SNAP23: variants seen among roughly 807,000 people sequenced by gnomAD.
SNAP23 encodes the protein synaptosome associated protein 23, also known as synaptosomal-associated protein 23.
In SNAP23, 11 loss-of-function variants were observed where a neutral mutation model predicts 29.0. That is an observed-to-expected ratio of 0.38 (90% CI 0.24 to 0.63). The LOEUF is 0.63. SNAP23 is among the 20% of genes least tolerant of loss of function. SNAP23 has a pLI of 0.58. For missense variants in SNAP23, 220 were observed against 253.9 expected (o/e 0.87, Z 0.91); for synonymous variants, 60 against 82.9 (o/e 0.72, Z 1.50).
intron 5 of SNAP23, among the ~76,000 whole-genome samples, chr15:42,519,686 A>G (rs2057427709): frequency 6.6e-6 from 1 of 152,106 alleles, no homozygotes; most frequent in Non-Finnish European, 1.5e-5. Context: ...AAGTTTTTGT[A>G]GAGATGAGTT....
Position 42,531,441 on chromosome 15 carries a change from T to C in SNAP23, c.599T>C (p.Ile200Thr). The C allele has an allele frequency of 6.3e-7, 1 of 1,596,528 alleles. No homozygotes were observed. The highest frequency in any genetic ancestry group is 8.5e-7 in the Non-Finnish European group (1 of 1,173,164). The change falls in exon 8 of 8, where the codon ATT becomes ACT. Residue 200 changes from isoleucine (I) to threonine (T), a missense_variant. Coordinates refer to ENST00000249647, the MANE Select transcript of SNAP23 (RefSeq NM_003825.4). ...GACACCAACAGAGATCGTATTGATA[T>C]TGCCAATGCCAGAGCAAAGAAACTC... The part of the protein sequence containing the change: ...KADTNRDRID[I>T]ANARAKKLID...
chr15:42,524,700 G>C (rs1334365443), intron 5 of SNAP23, among the ~76,000 whole-genome samples: 1 of 152,240 alleles, frequency 6.6e-6, no homozygotes, highest in Non-Finnish European at 1.5e-5. Flanking sequence ...AGGTCACTCT[G>C]ATACTCAGTC....
At chr15:42,504,422 A>G (rs2057301207) in intron 1 of SNAP23, among the ~76,000 whole-genome samples, 1 of 152,164 alleles carries the variant, frequency 6.6e-6, no homozygotes, top group African/African-American at 2.4e-5. Flanking sequence ...TATACTTTAT[A>G]TCATCAACTT....
intron 3 of SNAP23, 138 bp from the exon 4 acceptor site, chr15:42,513,261 A>T (rs565886511): frequency 1.2e-6 from 1 of 832,842 alleles, no homozygotes; most frequent in East Asian, 2.5e-5. Context: ...TGTTAGTTTA[A>T]GAATACTAGT....
intron 1 of SNAP23, among the ~76,000 whole-genome samples, chr15:42,502,251 C>T (rs773899941): frequency 1.7e-4 from 26 of 152,028 alleles, no homozygotes; most frequent in Non-Finnish European, 2.6e-4. Flanking sequence ...GTCTCGATCT[C>T]CTGACCTCGT....
At chr15:42,500,464 C>A (rs377723014) in intron 1 of SNAP23, among the ~76,000 whole-genome samples, 87 of 150,368 alleles carry the variant, frequency 5.8e-4, no homozygotes, top group African/African-American at 2.1e-3. Context: ...TCTCGGCTCA[C>A]CGCAACCTCT....
chr15:42,496,779 A>G (rs773990559), intron 1 of SNAP23, among the ~76,000 whole-genome samples: 12 of 152,116 alleles, frequency 7.9e-5, no homozygotes, highest in Non-Finnish European at 1.8e-4. Context: ...AAGGAAGTTT[A>G]ATTGACTCTC....
At chr15:42,530,988 GTC>G (rs1303405013) in intron 7 of SNAP23, among the ~76,000 whole-genome samples, 2 of 152,278 alleles carry the variant, frequency 1.3e-5, no homozygotes, top group East Asian at 3.9e-4. Context: ...GGTTATTTCA[GTC>G]TCTCCAGGTT....
At chr15:42,525,784 A>G (rs1040571716) in intron 5 of SNAP23, among the ~76,000 whole-genome samples, 2 of 152,124 alleles carry the variant, frequency 1.3e-5, no homozygotes, top group African/African-American at 4.8e-5. Flanking sequence ...TTTTAAAGAC[A>G]GCAGAGTTTG....
intron 1 of SNAP23, among the ~76,000 whole-genome samples, chr15:42,498,675 C>A (rs916301009): frequency 2.6e-5 from 4 of 152,218 alleles, no homozygotes; most frequent in Non-Finnish European, 5.9e-5. Context: ...ATTTCTACAG[C>A]TGGCTTAAAT....
At chr15:42,506,038 C>T (rs112943872) in intron 1 of SNAP23, among the ~76,000 whole-genome samples, 118 of 151,134 alleles carry the variant, frequency 7.8e-4, no homozygotes, top group Non-Finnish European at 3.7e-4. Context: ...CACTCCCTCC[C>T]GGGTTCAAAC....
chr15:42,511,894 T>G lies in SNAP23; in HGVS notation c.48T>G (p.Ile16Met), dbSNP rs111858985. ...AAATTCAACAGAGAGCTCACCAGAT[T>G]ACTGATGAGGTAAATGTTTTACCTA... The part of the protein sequence containing the change: ...SEEIQQRAHQ[I>M]TDESLESTRR... Residue 16 changes from isoleucine (I) to methionine (M), a missense_variant, in exon 2 of 8, where the codon ATT becomes ATG. Coordinates refer to ENST00000249647, the MANE Select transcript of SNAP23 (RefSeq NM_003825.4). 1.1e-4 allele frequency: 175 copies of G among 1,590,074 alleles called. No individual in the cohort carries two copies. The African/African-American group carries it at 2.2e-3, about 20-fold the overall frequency.
intron 1 of SNAP23, among the ~76,000 whole-genome samples, chr15:42,497,204 ATTT>A (rs1192101985): frequency 1.8e-4 from 19 of 104,274 alleles, no homozygotes; most frequent in South Asian, 6.1e-4. Context: ...AACCTGGCTA[ATTT>A]TTTTTTTTTT....
intron 5 of SNAP23, chr15:42,521,765 C>T (rs2057451548): frequency 1.6e-6 from 1 of 641,616 alleles, no homozygotes; most frequent in East Asian, 2.8e-5. Context: ...ATGGTGAAAA[C>T]TGTCTCTAAA....
chr15:42,494,660 C>T (rs1013282000), upstream of SNAP23, among the ~76,000 whole-genome samples: 18 of 151,964 alleles, frequency 1.2e-4, no homozygotes, highest in East Asian at 3.9e-4. Flanking sequence ...GGATTACAGG[C>T]GCCTGCCACC....
At position 42,513,458 on chromosome 15, in the gene SNAP23, T is replaced by G; in HGVS notation, c.148+11T>G. ...TGGATGAACAAAAGGGTAAGTTAAATTATTAGCAGAAATTCTTAATTTGAC... is the reference window on the plus strand; with the variant it reads ...TGGATGAACAAAAGGGTAAGTTAAAGTATTAGCAGAAATTCTTAATTTGAC... On this transcript the variant is annotated intron_variant, in intron 4 of 7. Transcript: ENST00000249647. 1 of 1,608,752 alleles carries G rather than the reference T, an allele frequency of 6.2e-7. No homozygotes were observed. Among genetic ancestry groups the G allele is most frequent in the Non-Finnish European group, 8.5e-7 (1 of 1,175,168 alleles).
At chr15:42,502,320 G>A (rs2057279070) in intron 1 of SNAP23, among the ~76,000 whole-genome samples, 6 of 152,120 alleles carry the variant, frequency 3.9e-5, no homozygotes, top group African/African-American at 1.2e-4. Context: ...CACTGCGCCC[G>A]GCAGAGTGCT....
chr15:42,525,431 A>ATC (rs1253972898), intron 5 of SNAP23, among the ~76,000 whole-genome samples: 103 of 137,028 alleles, frequency 7.5e-4, no homozygotes, highest in African/African-American at 2.7e-3. Context: ...CAGAAAGAAC[A>ATC]TCTTCAAAGA....
intron 1 of SNAP23, among the ~76,000 whole-genome samples, chr15:42,498,816 G>A (rs899373554): frequency 2.0e-5 from 3 of 152,080 alleles, no homozygotes; most frequent in Non-Finnish European, 4.4e-5. Flanking sequence ...CCTTTGACAG[G>A]TCATGTGAAA....
Sources: allele counts gnomAD v4.1 joint callset (sites outside exome capture counted in the v4.1 genomes callset), GRCh38; gene constraint gnomAD v4.1.1; transcripts MANE v1.5; gene names NCBI Gene and HGNC (gene_info 2026-07-23, HGNC 2026-07-21).